Variants in HACD2 observed in about 807,000 individuals in gnomAD.
HACD2 encodes 3-hydroxyacyl-CoA dehydratase 2, also known as very-long-chain (3R)-3-hydroxyacyl-CoA dehydratase 2.
In HACD2, 15 loss-of-function variants were observed where a neutral mutation model predicts 31.0. The observed-to-expected ratio is 0.48, with a 90% CI of 0.32 to 0.75. The LOEUF (loss-of-function observed/expected upper bound fraction) is 0.75, where lower values mean the gene tolerates loss of function less well. HACD2 is among the 30% of genes least tolerant of loss of function. The probability of loss-of-function intolerance (pLI) is 0.03; values close to 1 mark genes in which losing one functional copy is unlikely to be tolerated. For synonymous variants in HACD2, 115 were observed against 122.2 expected, an observed-to-expected ratio of 0.94 and a Z score of 0.39; for missense variants, 283 against 313.0, an observed-to-expected ratio of 0.90 and a Z score of 0.72.
chr3:123,545,549 A>T (rs1228153183), intron 3 of HACD2, among the ~76,000 whole-genome samples: 3 of 80,274 alleles, frequency 3.7e-5, no homozygotes, highest in Non-Finnish European at 7.9e-5. Context: ...TTTTTACTTT[A>T]AAAAAAAAAA....
chr3:123,499,677 TTAAAA>T (rs148392509), intron 6 of HACD2: 31,938 of 455,982 alleles, frequency 0.07, 1,642 homozygotes, highest in African/African-American at 0.2. Context: ...CTTTTCTAGA[TTAAAA>T]TAAGATTCAG....
chr3:123,521,826 A>G (rs2056218350), intron 4 of HACD2, among the ~76,000 whole-genome samples: 1 of 152,224 alleles, frequency 6.6e-6, no homozygotes, highest in East Asian at 1.9e-4. Context: ...AAGTGGTGGT[A>G]ACATTGGATT....
intron 3 of HACD2, among the ~76,000 whole-genome samples, chr3:123,555,475 T>C (rs2056663311): frequency 6.6e-6 from 1 of 151,552 alleles, no homozygotes; most frequent in African/African-American, 2.4e-5. Flanking sequence ...AATTTTAAAG[T>C]TAAAAAAAAA....
At chr3:123,532,890 T>C (rs1348832482) in intron 3 of HACD2, among the ~76,000 whole-genome samples, 1 of 151,790 alleles carries the variant, frequency 6.6e-6, no homozygotes, top group Non-Finnish European at 1.5e-5. Context: ...ATTACCTTAT[T>C]TGCCGTAGGA....
At chr3:123,564,119 G>C (rs544568345) in intron 3 of HACD2, among the ~76,000 whole-genome samples, 2 of 152,328 alleles carry the variant, frequency 1.3e-5, no homozygotes, top group Non-Finnish European at 2.9e-5. Flanking sequence ...TGAATGGCTG[G>C]TGGCCGGCGG....
intron 4 of HACD2, among the ~76,000 whole-genome samples, chr3:123,526,892 G>A (rs556941777): frequency 2.2e-4 from 34 of 152,176 alleles, no homozygotes; most frequent in Non-Finnish European, 3.7e-4. Flanking sequence ...CATTTTTGAC[G>A]TACCTGTCTA....
chr3:123,550,381 A>G (rs1230637674), intron 3 of HACD2, among the ~76,000 whole-genome samples: 1 of 152,226 alleles, frequency 6.6e-6, no homozygotes. Flanking sequence ...GAAAATGAGC[A>G]GCAATGAAGC....
At chr3:123,560,502 G>A (rs2056716117) in intron 3 of HACD2, among the ~76,000 whole-genome samples, 1 of 152,186 alleles carries the variant, frequency 6.6e-6, no homozygotes. Flanking sequence ...CAGGCTAGCT[G>A]CCTGGCTAGG....
Position 123,585,039 on chromosome 3 carries a change from G to C in HACD2, c.-12C>G. ...GCCACTGCCGCCATGTCAAGTGCCC[G>C]AAGCCCGCTCTCCTAGCGCGAGCGG... On this transcript the variant is annotated 5_prime_UTR_variant, in exon 1 of 7. Coordinates refer to ENST00000383657, the MANE Select transcript of HACD2 (RefSeq NM_198402.5). 1.4e-6 allele frequency: 2 copies of C among 1,423,288 alleles called. No individual in the cohort carries two copies. The highest frequency in any genetic ancestry group is 9.3e-7 in the Non-Finnish European group (1 of 1,079,462). 88.2% of individuals were successfully genotyped at this position (1,423,288 alleles called of 1,614,324 possible).
intron 4 of HACD2, among the ~76,000 whole-genome samples, chr3:123,503,188 C>T (rs142697610): frequency 0.13 from 20,235 of 151,612 alleles, 1,756 homozygotes; most frequent in Non-Finnish European, 0.2. Context: ...TCGCTTGAAC[C>T]CGGGAGGCGG....
At chr3:123,559,495 A>G (rs1439145760) in intron 3 of HACD2, among the ~76,000 whole-genome samples, 1 of 152,248 alleles carries the variant, frequency 6.6e-6, no homozygotes, top group African/African-American at 2.4e-5. Context: ...ACAGGTTCAC[A>G]GAATTTCAGA....
intron 3 of HACD2, among the ~76,000 whole-genome samples, chr3:123,533,698 C>G (rs139648329): frequency 6.6e-6 from 1 of 152,076 alleles, no homozygotes; most frequent in African/African-American, 2.4e-5. Flanking sequence ...ATTTGTGGAG[C>G]GCCTACTCTG....
intron 6 of HACD2, among the ~76,000 whole-genome samples, chr3:123,497,562 G>C (rs1470698087): frequency 6.6e-6 from 1 of 152,190 alleles, no homozygotes; most frequent in African/African-American, 2.4e-5. Flanking sequence ...GAAAGCGCCA[G>C]CTTCTCCAGG....
At chr3:123,555,532 C>T (rs2056663965) in intron 3 of HACD2, among the ~76,000 whole-genome samples, 1 of 151,944 alleles carries the variant, frequency 6.6e-6, no homozygotes, top group Non-Finnish European at 1.5e-5. Flanking sequence ...TCTAACAAAA[C>T]AGAGAATTGC....
intron 2 of HACD2, among the ~76,000 whole-genome samples, chr3:123,578,852 T>C (rs2056935274): frequency 6.6e-6 from 1 of 152,240 alleles, no homozygotes; most frequent in African/African-American, 2.4e-5. Context: ...GGATAACTTA[T>C]GTGTAATTAA....
rs1449679847 is a variant in HACD2, at chr3:123,493,881, A to T, written c.*1007T>A. On this transcript the variant is annotated 3_prime_UTR_variant, in exon 7 of 7. Coordinates refer to ENST00000383657, the MANE Select transcript of HACD2 (RefSeq NM_198402.5). Reference sequence around the variant, plus strand: ...GCAAAAGTATCCAAACAGAAGAGTGAATGAAAATTTAAAAATAAAACAATA... The same window carrying T: ...GCAAAAGTATCCAAACAGAAGAGTGTATGAAAATTTAAAAATAAAACAATA... 6.6e-6 allele frequency: 1 copy of T among 152,238 alleles called. No individual in the cohort carries two copies. The highest frequency in any genetic ancestry group is 1.5e-5 in the Non-Finnish European group (1 of 68,046). 9.4% of individuals were successfully genotyped at this position (152,238 alleles called of 1,614,324 possible).
At chr3:123,528,511 G>T (rs773307100) in intron 3 of HACD2, 37 bp from the exon 4 acceptor site, 16 of 1,186,056 alleles carry the variant, frequency 1.3e-5, no homozygotes, top group Non-Finnish European at 1.8e-5. Flanking sequence ...TAAATGTACT[G>T]TACTAAGTTT....
chr3:123,509,501 T>A (rs2056023301), intron 4 of HACD2, among the ~76,000 whole-genome samples: 1 of 18,858 alleles, frequency 5.3e-5, no homozygotes, highest in Non-Finnish European at 2.3e-4. Flanking sequence ...TCCTGTGACT[T>A]CTTTTTTTTT....
chr3:123,528,366 TG>T lies in HACD2; in HGVS notation c.381+19del. The T allele has an allele frequency of 7.1e-7, 1 of 1,403,338 alleles. No individual in the cohort carries two copies. The highest frequency in any genetic ancestry group is 1.0e-6 in the Non-Finnish European group (1 of 988,808). 86.9% of individuals were successfully genotyped at this position (1,403,338 alleles called of 1,614,324 possible). On this transcript the variant is annotated intron_variant, in intron 4 of 6. Coordinates refer to ENST00000383657, the MANE Select transcript of HACD2 (RefSeq NM_198402.5). ...GTGTTTGTTAGTGTTGACATTATTT[TG>T]GTCTATATAAACACTTACCTCTTTG...
Sources: gnomAD v4.1 joint callset for allele counts (sites outside exome capture counted in the v4.1 genomes callset) on GRCh38, gnomAD v4.1.1 for gene constraint, MANE v1.5 for transcripts, NCBI Gene and HGNC (gene_info 2026-07-23, HGNC 2026-07-21) for gene names.